SHISA6: variants seen among roughly 807,000 people sequenced by gnomAD.
The protein encoded by SHISA6 is shisa family member 6, also known as protein shisa-6.
Under a neutral mutation model 47.9 loss-of-function variants are expected in SHISA6, and 22 were observed. The observed-to-expected ratio is 0.46, with a 90% CI of 0.33 to 0.66. The LOEUF (loss-of-function observed/expected upper bound fraction) is 0.66. SHISA6 is among the 30% of genes least tolerant of loss of function. The pLI is 0.02. For missense variants in SHISA6, 680 were observed against 764.6 expected (o/e 0.89, Z 1.30); for synonymous variants, 388 against 337.8 (o/e 1.15, Z -1.63).
chr17:11,458,168 C>T (rs988886329), intron 3 of SHISA6, among the ~76,000 whole-genome samples: 3 of 151,916 alleles, frequency 2.0e-5, no homozygotes, highest in Non-Finnish European at 2.9e-5. Flanking sequence ...AATACTTCAC[C>T]AGACTTATCT....
At chr17:11,422,035 A>G (rs536800698) in intron 3 of SHISA6, among the ~76,000 whole-genome samples, 3 of 152,182 alleles carry the variant, frequency 2.0e-5, no homozygotes, top group African/African-American at 7.2e-5. Context: ...CCTTTGGCCA[A>G]ATTTATTCTG....
At position 11,495,763 on chromosome 17, in the gene SHISA6, G is replaced by A. The variant is rs545749053; in HGVS notation, c.896-56133G>A. Reference sequence around the variant, plus strand: ...TGGGCGTGCTAGCTCATATATTATGGGCTAACATTCTGTAGGTCCCCTTAG... The same window carrying A: ...TGGGCGTGCTAGCTCATATATTATGAGCTAACATTCTGTAGGTCCCCTTAG... On this transcript the variant is annotated intron_variant, in intron 3 of 5. Coordinates refer to ENST00000441885, the MANE Select transcript of SHISA6 (RefSeq NM_207386.4). Among the ~76,000 whole-genome samples the A allele has an allele frequency of 4.0e-5, 6 of 149,808 alleles. No individual in the cohort carries two copies. In the South Asian group the frequency reaches 1.3e-3, roughly 31 times the overall value.
At chr17:11,501,108 C>G (rs1381126760) in intron 3 of SHISA6, among the ~76,000 whole-genome samples, 2 of 143,480 alleles carry the variant, frequency 1.4e-5, no homozygotes, top group African/African-American at 5.2e-5. Context: ...TCTAATGCTT[C>G]CAACACATTT....
intron 2 of SHISA6, among the ~76,000 whole-genome samples, chr17:11,266,079 G>A (rs931985016): frequency 6.6e-6 from 1 of 152,122 alleles, no homozygotes; most frequent in African/African-American, 2.4e-5. Context: ...GATTATAATG[G>A]ACACAATGCT....
chr17:11,389,799 C>T (rs1913327776), intron 3 of SHISA6, among the ~76,000 whole-genome samples: 1 of 152,192 alleles, frequency 6.6e-6, no homozygotes, highest in Non-Finnish European at 1.5e-5. Context: ...TTGGGAATCT[C>T]CCCTTCTTAT....
At chr17:11,482,935 G>GA (rs1445964391) in intron 3 of SHISA6, among the ~76,000 whole-genome samples, 6 of 151,858 alleles carry the variant, frequency 4.0e-5, no homozygotes, top group South Asian at 2.1e-4. Flanking sequence ...CACTATAGAG[G>GA]AAAAAACAAA....
intron 2 of SHISA6, among the ~76,000 whole-genome samples, chr17:11,355,661 G>A (rs973144949): frequency 2.0e-5 from 3 of 152,134 alleles, no homozygotes; most frequent in African/African-American, 7.2e-5. Context: ...TCATTCTTCA[G>A]TTACCTACAG....
At chr17:11,306,147 A>G (rs1910101108) in intron 2 of SHISA6, among the ~76,000 whole-genome samples, 1 of 152,006 alleles carries the variant, frequency 6.6e-6, no homozygotes, top group African/African-American at 2.4e-5. Context: ...ACCATATACC[A>G]CTAATTAGGT....
chr17:11,494,286 G>T (rs969908832), intron 3 of SHISA6, among the ~76,000 whole-genome samples: 5 of 152,076 alleles, frequency 3.3e-5, no homozygotes, highest in African/African-American at 1.2e-4. Flanking sequence ...ATCTGCCCCA[G>T]CTCTCCTCTG....
At chr17:11,338,333 A>G (rs537596433) in intron 2 of SHISA6, among the ~76,000 whole-genome samples, 78 of 152,272 alleles carry the variant, frequency 5.1e-4, no homozygotes, top group Non-Finnish European at 9.3e-4. Flanking sequence ...GCCACCTAGA[A>G]TTTGTATCCT....
chr17:11,440,447 T>C (rs948380165), intron 3 of SHISA6, among the ~76,000 whole-genome samples: 1 of 151,886 alleles, frequency 6.6e-6, no homozygotes, highest in Non-Finnish European at 1.5e-5. Flanking sequence ...TTTTGCTGCA[T>C]CTGGCCTTGC....
At chr17:11,352,615 C>A (rs918219136) in intron 2 of SHISA6, among the ~76,000 whole-genome samples, 1 of 152,042 alleles carries the variant, frequency 6.6e-6, no homozygotes, top group Non-Finnish European at 1.5e-5. Context: ...GAAGTTGGGG[C>A]GATTGGGGAA....
chr17:11,452,339 G>T (rs1368208739), intron 3 of SHISA6, among the ~76,000 whole-genome samples: 2 of 152,150 alleles, frequency 1.3e-5, no homozygotes, highest in Non-Finnish European at 2.9e-5. Context: ...TGTCCCCCAT[G>T]TGCTCACATC....
At chr17:11,243,994 T>C (rs772448267) in intron 1 of SHISA6, among the ~76,000 whole-genome samples, 26 of 152,146 alleles carry the variant, frequency 1.7e-4, no homozygotes, top group Non-Finnish European at 3.5e-4. Context: ...GCAGGCATCT[T>C]TGGATGCTGG....
intron 2 of SHISA6, among the ~76,000 whole-genome samples, chr17:11,299,210 C>T (rs1397053948): frequency 6.6e-6 from 1 of 152,142 alleles, no homozygotes; most frequent in Non-Finnish European, 1.5e-5. Context: ...TAATGTTCTC[C>T]CCCATAAAAT....
At chr17:11,392,380 T>C (rs776273977) in intron 3 of SHISA6, among the ~76,000 whole-genome samples, 4 of 152,180 alleles carry the variant, frequency 2.6e-5, no homozygotes, top group Non-Finnish European at 5.9e-5. Context: ...TAGAGGGGTG[T>C]TGGCTCTTGG....
At chr17:11,426,363 A>G (rs575703097) in intron 3 of SHISA6, among the ~76,000 whole-genome samples, 1 of 152,352 alleles carries the variant, frequency 6.6e-6, no homozygotes, top group Non-Finnish European at 1.5e-5. Context: ...AGGCAGTTCT[A>G]ATTGGAATGA....
At chr17:11,535,347 G>A (rs1225517575) in intron 3 of SHISA6, among the ~76,000 whole-genome samples, 2 of 152,134 alleles carry the variant, frequency 1.3e-5, no homozygotes, top group Admixed American at 6.5e-5. Flanking sequence ...AGTGTGGCTG[G>A]TTTCTGCCAG....
At chr17:11,307,171 T>A (rs988828033) in intron 2 of SHISA6, among the ~76,000 whole-genome samples, 65 of 151,528 alleles carry the variant, frequency 4.3e-4, no homozygotes, top group Middle Eastern at 3.4e-3. Flanking sequence ...CTTTTTTTTT[T>A]ATTATACTTT....
Sources: gnomAD v4.1 joint callset for allele counts (sites outside exome capture counted in the v4.1 genomes callset) on GRCh38, gnomAD v4.1.1 for gene constraint, MANE v1.5 for transcripts, NCBI Gene and HGNC (gene_info 2026-07-23, HGNC 2026-07-21) for gene names.